The following EEIG2 variants were observed in gnomAD, a reference collection of about 807,000 sequenced individuals.
The protein encoded by EEIG2 is family with sequence similarity 102 member B.
At chr1:108,638,490 T>G in the EEIG2 span, 2 of 152,258 alleles carry the variant, frequency 1.3e-5, no homozygotes, top group African/African-American at 4.8e-5. Context: ...TTTAAGTACA[T>G]ACTCTGAAGT....
chr1:108,602,961 A>T, the EEIG2 span, among the ~76,000 whole-genome samples: 1 of 151,128 alleles, frequency 6.6e-6, no homozygotes, highest in Non-Finnish European at 1.5e-5. Flanking sequence ...GAGACGGGGG[A>T]CATAATTCAA....
the EEIG2 span, among the ~76,000 whole-genome samples, chr1:108,634,028 C>G: frequency 1.3e-5 from 2 of 152,178 alleles, no homozygotes; most frequent in African/African-American, 4.8e-5. Flanking sequence ...CTTGGGACCA[C>G]AGTCCTGCAC....
At chr1:108,598,307 C>A in the EEIG2 span, among the ~76,000 whole-genome samples, 1 of 139,604 alleles carries the variant, frequency 7.2e-6, no homozygotes, top group Admixed American at 7.7e-5. Flanking sequence ...GCACTCCAGC[C>A]TGGGCGACAG....
the EEIG2 span, among the ~76,000 whole-genome samples, chr1:108,622,620 T>G: frequency 2.6e-5 from 4 of 152,232 alleles, no homozygotes; most frequent in South Asian, 8.3e-4. Flanking sequence ...TGAGTTTAGT[T>G]GGGGAGATAT....
the EEIG2 span, among the ~76,000 whole-genome samples, chr1:108,607,273 G>A: frequency 6.6e-6 from 1 of 152,130 alleles, no homozygotes; most frequent in African/African-American, 2.4e-5. Flanking sequence ...ACACATTCAC[G>A]TATGACAAAA....
At chr1:108,598,207 T>C in the EEIG2 span, among the ~76,000 whole-genome samples, 1 of 152,008 alleles carries the variant, frequency 6.6e-6, no homozygotes, top group Non-Finnish European at 1.5e-5. Flanking sequence ...GGTGCACACC[T>C]GTAATCCCAG....
the EEIG2 span, among the ~76,000 whole-genome samples, chr1:108,593,292 G>A: frequency 6.6e-6 from 1 of 152,162 alleles, no homozygotes; most frequent in African/African-American, 2.4e-5. Context: ...GTAACCTCGA[G>A]GTCCAAAATG....
the EEIG2 span, among the ~76,000 whole-genome samples, chr1:108,560,785 T>C: frequency 6.6e-6 from 1 of 152,052 alleles, no homozygotes; most frequent in Non-Finnish European, 1.5e-5. Context: ...TGCTCTTCCC[T>C]CCCAAATCCT....
chr1:108,618,014 T>C, the EEIG2 span, among the ~76,000 whole-genome samples: 1 of 152,100 alleles, frequency 6.6e-6, no homozygotes, highest in Admixed American at 6.6e-5. Context: ...ACAGTGAGTA[T>C]AAACAATTCT....
At chr1:108,630,200 C>G in the EEIG2 span, among the ~76,000 whole-genome samples, 3 of 152,188 alleles carry the variant, frequency 2.0e-5, no homozygotes, top group Non-Finnish European at 2.9e-5. Flanking sequence ...ATGATCTTAT[C>G]TTTTCCGAGC....
At chr1:108,571,298 G>C in the EEIG2 span, among the ~76,000 whole-genome samples, 2 of 152,150 alleles carry the variant, frequency 1.3e-5, no homozygotes, top group Non-Finnish European at 2.9e-5. Context: ...TGGGGGTGGA[G>C]AATAAACATC....
At chr1:108,628,277 T>C in the EEIG2 span, 1 of 1,613,654 alleles carries the variant, frequency 6.2e-7, no homozygotes, top group African/African-American at 1.3e-5. Context: ...AGGCTAACAG[T>C]GAAGTTGAAT....
At chr1:108,572,341 C>G in the EEIG2 span, among the ~76,000 whole-genome samples, 1 of 152,152 alleles carries the variant, frequency 6.6e-6, no homozygotes, top group Admixed American at 6.5e-5. Flanking sequence ...CTGCTTCCCA[C>G]TCACATAGCC....
At chr1:108,579,580 C>A in the EEIG2 span, among the ~76,000 whole-genome samples, 1 of 149,366 alleles carries the variant, frequency 6.7e-6, no homozygotes, top group Non-Finnish European at 1.5e-5. Context: ...CAGCTCTGCA[C>A]CAAGCGGACC....
chr1:108,579,772 T>TGTGTGTGAGAGAGAGAGAGA, the EEIG2 span, among the ~76,000 whole-genome samples: 220 of 58,858 alleles, frequency 3.7e-3, 1 homozygote, highest in African/African-American at 0.013. Context: ...TGTGTGTGTG[T>TGTGTGTGAGAGAGAGAGAGA]GAGAGAGAGA....
chr1:108,601,358 G>A, the EEIG2 span, among the ~76,000 whole-genome samples: 1 of 151,968 alleles, frequency 6.6e-6, no homozygotes, highest in Non-Finnish European at 1.5e-5. Flanking sequence ...AAATAGAGAA[G>A]AAGGATTTAG....
the EEIG2 span, among the ~76,000 whole-genome samples, chr1:108,561,689 A>G: frequency 6.6e-6 from 1 of 152,228 alleles, no homozygotes; most frequent in Non-Finnish European, 1.5e-5. Flanking sequence ...TTAAAATTAA[A>G]CTGTGGTGAC....
At chr1:108,584,332 A>AT in the EEIG2 span, among the ~76,000 whole-genome samples, 23 of 151,702 alleles carry the variant, frequency 1.5e-4, no homozygotes, top group Admixed American at 3.3e-4. Flanking sequence ...CTTAAAAAAT[A>AT]TTTTTTTTTC....
chr1:108,573,770 A>G, the EEIG2 span, among the ~76,000 whole-genome samples: 1 of 152,226 alleles, frequency 6.6e-6, no homozygotes, highest in Non-Finnish European at 1.5e-5. Context: ...GAAGCACAAG[A>G]AAAGGTATAC....
Sources: allele counts gnomAD v4.1 joint callset (sites outside exome capture counted in the v4.1 genomes callset), GRCh38; gene constraint gnomAD v4.1.1; transcripts MANE v1.5; gene names NCBI Gene and HGNC (gene_info 2026-07-23, HGNC 2026-07-21).